Variants in EML4 observed in about 807,000 individuals in gnomAD.
EML4 encodes EMAP like 4, also known as echinoderm microtubule-associated protein-like 4.
A neutral mutation model predicts 129.0 loss-of-function variants in EML4; 72 were observed. That is an observed-to-expected ratio of 0.56 (90% CI 0.46 to 0.68). The LOEUF is 0.68. Among genes scored for constraint, EML4 ranks in the 30% least tolerant of loss-of-function variants. EML4 has a pLI of 0.00. For missense variants in EML4, 1,363 were observed against 1,190.6 expected (o/e 1.14, Z -2.13); for synonymous variants, 532 against 405.0 (o/e 1.31, Z -3.77).
At chr2:42,239,888 T>A (rs1394530824) in intron 1 of EML4, among the ~76,000 whole-genome samples, 1 of 151,832 alleles carries the variant, frequency 6.6e-6, no homozygotes, top group Non-Finnish European at 1.5e-5. Context: ...TTATTGTGAA[T>A]GAGAATGGGG....
chr2:42,206,687 T>C (rs1286367059), intron 1 of EML4, among the ~76,000 whole-genome samples: 2 of 152,232 alleles, frequency 1.3e-5, no homozygotes, highest in East Asian at 1.9e-4. Context: ...TATTTCTTCA[T>C]GATCAGATTT....
chr2:42,169,587 C>G lies in EML4; in HGVS notation c.-25C>G, dbSNP rs200295209. On this transcript the variant is annotated 5_prime_UTR_variant, in exon 1 of 23. Transcript: ENST00000318522. ...AATGAAGTGCCCGCCCCTCTAAGCC[C>G]GGAGCCCGGCGCTTTCCCCGCAAGA... The G allele has an allele frequency of 2.8e-3, 4,545 of 1,597,938 alleles. 17 individuals are homozygous for G. Among genetic ancestry groups the G allele is most frequent in the Non-Finnish European group, 3.5e-3 (4,128 of 1,174,152 alleles).
chr2:42,237,697 A>G (rs775580900), intron 1 of EML4, among the ~76,000 whole-genome samples: 2 of 152,346 alleles, frequency 1.3e-5, no homozygotes, highest in East Asian at 1.9e-4. Flanking sequence ...CATATATTAT[A>G]TGCTGTACTC....
At chr2:42,194,079 A>T (rs530544237) in intron 1 of EML4, among the ~76,000 whole-genome samples, 8 of 152,280 alleles carry the variant, frequency 5.3e-5, no homozygotes, top group African/African-American at 1.9e-4. Context: ...ATGTTTGCTC[A>T]TTTTAAATTT....
chr2:42,203,038 T>G (rs1021500092), intron 1 of EML4, among the ~76,000 whole-genome samples: 13 of 152,024 alleles, frequency 8.6e-5, no homozygotes, highest in African/African-American at 1.2e-4. Context: ...CTAATAATAA[T>G]AAGAAGAAGA....
chr2:42,311,081 T>C (rs1210773638), intron 17 of EML4, among the ~76,000 whole-genome samples: 1 of 152,236 alleles, frequency 6.6e-6, no homozygotes, highest in Non-Finnish European at 1.5e-5. Context: ...TTGGTTTCTT[T>C]TTTGATAGTC....
At position 42,246,218 on chromosome 2, in the gene EML4, A is replaced by T. The variant is rs149255353; in HGVS notation, c.208+531A>T. Among the ~76,000 whole-genome samples the T allele has an allele frequency of 6.3e-3, 962 of 152,316 alleles. 13 individuals are homozygous for T. Among genetic ancestry groups the T allele is most frequent in the African/African-American group, 0.022 (923 of 41,568 alleles). On this transcript the variant is annotated intron_variant, in intron 2 of 22. Coordinates refer to ENST00000318522, the MANE Select transcript of EML4 (RefSeq NM_019063.5). ...TATTGGGAGTTTTCAAGGTTGAGAC[A>T]AACAGTCGTCAAGACCCTGTTGCTC...
intron 1 of EML4, among the ~76,000 whole-genome samples, chr2:42,207,354 A>C (rs553770532): frequency 1.8e-4 from 28 of 152,314 alleles, no homozygotes; most frequent in Non-Finnish European, 3.4e-4. Context: ...TAAAGAATGT[A>C]ACTAGTACCT....
intron 6 of EML4, among the ~76,000 whole-genome samples, chr2:42,276,590 T>C (rs562522614): frequency 2.0e-5 from 3 of 152,226 alleles, no homozygotes; most frequent in Non-Finnish European, 4.4e-5. Context: ...AAACAGTGTT[T>C]AGAGTGGTCA....
intron 6 of EML4, among the ~76,000 whole-genome samples, chr2:42,269,038 C>A (rs975922605): frequency 3.3e-5 from 5 of 152,132 alleles, no homozygotes; most frequent in Non-Finnish European, 7.3e-5. Context: ...GGATTAGATT[C>A]ATTGTTATTT....
At chr2:42,282,767 C>G (rs1323466519) in intron 7 of EML4, 56 bp from the exon 8 acceptor site, 2 of 1,479,008 alleles carry the variant, frequency 1.4e-6, no homozygotes, top group Non-Finnish European at 1.9e-6. Context: ...CATGAAAAAT[C>G]TGTTAACAAC....
Position 42,222,486 on chromosome 2 carries a change from A to G in EML4, c.26-23019A>G, listed in dbSNP as rs533273474. Among the ~76,000 whole-genome samples the G allele has an allele frequency of 5.3e-5, 8 of 152,316 alleles. No homozygotes were observed. In the East Asian group the frequency reaches 1.5e-3, roughly 29 times the overall value. On this transcript the variant is annotated intron_variant, in intron 1 of 22. Coordinates refer to ENST00000318522, the MANE Select transcript of EML4 (RefSeq NM_019063.5). ...GGAACATAGCCATACACATTTGTAT[A>G]GTTAATATCTGTAGTTGCTTTTGTG...
chr2:42,305,600 C>T (rs1483574396), intron 17 of EML4, among the ~76,000 whole-genome samples: 1 of 152,104 alleles, frequency 6.6e-6, no homozygotes, highest in Admixed American at 6.6e-5. Context: ...TCTTGCAGAC[C>T]TTGTATAGTA....
intron 1 of EML4, among the ~76,000 whole-genome samples, chr2:42,185,796 G>C (rs1016313982): frequency 6.6e-6 from 1 of 152,138 alleles, no homozygotes; most frequent in South Asian, 2.1e-4. Flanking sequence ...GAATGAATTG[G>C]AGCAGACAAT....
chr2:42,279,786 T>A (rs926866289), intron 6 of EML4, among the ~76,000 whole-genome samples: 30 of 151,426 alleles, frequency 2.0e-4, no homozygotes, highest in Non-Finnish European at 4.0e-4. Context: ...CTTTTTTTAT[T>A]ATTATTATTA....
intron 1 of EML4, among the ~76,000 whole-genome samples, chr2:42,197,069 G>T (rs569715921): frequency 4.6e-5 from 7 of 152,264 alleles, no homozygotes; most frequent in Admixed American, 3.9e-4. Flanking sequence ...GAAGTAAATT[G>T]TGTCTTTATT....
Position 42,330,240 on chromosome 2 carries a change from G to A in EML4, c.*33G>A. 7 of 1,580,628 alleles carry A rather than the reference G, an allele frequency of 4.4e-6. No homozygotes were observed. Among genetic ancestry groups the A allele is most frequent in the Non-Finnish European group, 6.1e-6 (7 of 1,151,428 alleles). On this transcript the variant is annotated 3_prime_UTR_variant, in exon 23 of 23. Coordinates refer to ENST00000318522, the MANE Select transcript of EML4 (RefSeq NM_019063.5). ...GCTTCAGTGCAACTCTTTTCCTTCA[G>A]CTGCATGTGATTTTGTGATAAAGTT...
chr2:42,321,691 T>C (rs1414031570), intron 19 of EML4, among the ~76,000 whole-genome samples: 1 of 152,168 alleles, frequency 6.6e-6, no homozygotes, highest in East Asian at 1.9e-4. Flanking sequence ...AATAGTGTTC[T>C]AGCTGGTCAC....
At chr2:42,218,866 G>C (rs1033427413) in intron 1 of EML4, among the ~76,000 whole-genome samples, 2 of 152,118 alleles carry the variant, frequency 1.3e-5, no homozygotes, top group African/African-American at 4.8e-5. Flanking sequence ...GTCTTGCTGT[G>C]TTGTCCAGCC....
Sources: allele counts gnomAD v4.1 joint callset (sites outside exome capture counted in the v4.1 genomes callset), GRCh38; gene constraint gnomAD v4.1.1; transcripts MANE v1.5; gene names NCBI Gene and HGNC (gene_info 2026-07-23, HGNC 2026-07-21).